The following KIF17 variants were observed in gnomAD, a reference collection of about 807,000 sequenced individuals.
KIF17 encodes kinesin-like protein KIF17.
KIF17 carries 80 observed loss-of-function variants against 96.8 expected under a neutral mutation model. That is an observed-to-expected ratio of 0.83 (90% CI 0.69 to 1.00). The LOEUF (loss-of-function observed/expected upper bound fraction) is 1.00. Ranked by LOEUF, KIF17 falls within the 50% of genes least tolerant of loss-of-function variation. The pLI, the probability that KIF17 is intolerant of heterozygous loss-of-function variation, is 0.00. For missense variants in KIF17, 1,280 were observed against 1,372.9 expected, an observed-to-expected ratio of 0.93 and a Z score of 1.07; for synonymous variants, 567 against 587.5, an observed-to-expected ratio of 0.97 and a Z score of 0.51.
At chr1:20,705,196 G>A (rs2054320517) in intron 4 of KIF17, among the ~76,000 whole-genome samples, 1 of 152,208 alleles carries the variant, frequency 6.6e-6, no homozygotes, top group Non-Finnish European at 1.5e-5. Context: ...CATTCTGAGT[G>A]CAATAGGGCC....
rs199731544 is a variant in KIF17, at chr1:20,664,591, G to T, written c.3080C>A (p.Pro1027His). ...KKSKSNFGSEPL is the reference protein window; with the variant it reads ...KKSKSNFGSEHL Reference sequence around the variant, plus strand: ...AATGGCAAGCAGCTGTGCTCACAGAGGCTCACTGCCAAAGTTGCTTTTGCT... The same window carrying T: ...AATGGCAAGCAGCTGTGCTCACAGATGCTCACTGCCAAAGTTGCTTTTGCT... Residue 1027 changes from proline (P) to histidine (H), a missense_variant, in exon 15 of 15, where the codon CCT becomes CAT. By Grantham distance (77) the Pro-to-His change is moderately conservative (BLOSUM62 -2). Transcript: ENST00000400463. The T allele has an allele frequency of 1.9e-6, 3 of 1,614,112 alleles. No individual in the cohort carries two copies. The highest frequency in any genetic ancestry group is 2.5e-6 in the Non-Finnish European group (3 of 1,180,022).
chr1:20,661,638 A>C, downstream of KIF17: 4 of 497,744 alleles, frequency 8.0e-6, no homozygotes, highest in East Asian at 3.2e-5. Context: ...GCGGCCAATC[A>C]ACGAGGCCGA....
chr1:20,711,346 T>C (rs2054432089), intron 3 of KIF17, among the ~76,000 whole-genome samples: 1 of 152,114 alleles, frequency 6.6e-6, no homozygotes, highest in Non-Finnish European at 1.5e-5. Flanking sequence ...TGTGATGGCC[T>C]CAGGGGTCCC....
intron 11 of KIF17, among the ~76,000 whole-genome samples, chr1:20,676,833 AAAAAT>A (rs769739545): frequency 2.2e-4 from 33 of 152,292 alleles, no homozygotes; most frequent in Non-Finnish European, 4.0e-4. Context: ...TCCATCTCAG[AAAAAT>A]AAAATAAAAT....
chr1:20,670,366 G>T, intron 13 of KIF17, 55 bp downstream of exon 13: 1 of 1,529,672 alleles, frequency 6.5e-7, no homozygotes, highest in Non-Finnish European at 9.0e-7. Context: ...CCACAGCACT[G>T]GGGGCAAAGC....
intron 13 of KIF17, among the ~76,000 whole-genome samples, chr1:20,669,993 G>T: frequency 8.2e-6 from 1 of 122,546 alleles, no homozygotes; most frequent in African/African-American, 3.3e-5. Flanking sequence ...CTTAGAAAAA[G>T]AAAAAAAAAA....
downstream of KIF17, among the ~76,000 whole-genome samples, chr1:20,662,179 G>A (rs1295462606): frequency 6.6e-6 from 1 of 152,236 alleles, no homozygotes; most frequent in Non-Finnish European, 1.5e-5. Context: ...GGAGGAACAT[G>A]GCAGGTTTTG....
downstream of KIF17, among the ~76,000 whole-genome samples, chr1:20,663,689 A>G (rs951740999): frequency 2.6e-5 from 4 of 152,168 alleles, no homozygotes; most frequent in South Asian, 2.1e-4. Flanking sequence ...GCCTGGATTC[A>G]TTTCTGGCTA....
chr1:20,712,177 G>A (rs930875195), intron 3 of KIF17, among the ~76,000 whole-genome samples: 1 of 152,102 alleles, frequency 6.6e-6, no homozygotes, highest in African/African-American at 2.4e-5. Context: ...ACGAAGGGGA[G>A]GAGGGCTCCC....
rs187686825 is a variant in KIF17 at position 20,712,128 on chromosome 1, G to A, written c.480+1326C>T. Among the ~76,000 whole-genome samples, 328 of 152,248 alleles carry A rather than the reference G, an allele frequency of 2.2e-3. 4 individuals are homozygous for A. Among genetic ancestry groups the A allele is most frequent in the Non-Finnish European group, 8.4e-4 (57 of 68,018 alleles). On this transcript the variant is annotated intron_variant, in intron 3 of 14. Coordinates refer to ENST00000400463, the MANE Select transcript of KIF17 (RefSeq NM_001122819.3). Reference sequence around the variant, plus strand: ...AGCTGCCAGCCTTCGGCCCCTCTAGGCCCGGGTAACTGAGGCCTTTCTAGG... The same window carrying A: ...AGCTGCCAGCCTTCGGCCCCTCTAGACCCGGGTAACTGAGGCCTTTCTAGG...
At chr1:20,669,738 G>A (rs996261466) in intron 13 of KIF17, among the ~76,000 whole-genome samples, 2 of 147,978 alleles carry the variant, frequency 1.4e-5, no homozygotes, top group African/African-American at 4.9e-5. Context: ...TGGGCATGGT[G>A]GTGCGCGCCT....
intron 13 of KIF17, 49 bp from the exon 14 acceptor site, chr1:20,666,380 G>T: frequency 6.9e-7 from 1 of 1,444,246 alleles, no homozygotes; most frequent in Non-Finnish European, 9.7e-7. Flanking sequence ...TTGTGCCCCT[G>T]GCACAGGGCT....
At chr1:20,703,315 C>T (rs951150395) in intron 5 of KIF17, among the ~76,000 whole-genome samples, 2 of 151,226 alleles carry the variant, frequency 1.3e-5, no homozygotes, top group Admixed American at 6.6e-5. Flanking sequence ...AAGAAAGGAT[C>T]AGTGGATGAA....
chr1:20,698,835 C>A (rs1402851086), intron 5 of KIF17, among the ~76,000 whole-genome samples: 1 of 152,094 alleles, frequency 6.6e-6, no homozygotes, highest in Non-Finnish European at 1.5e-5. Context: ...AAGCACCTCC[C>A]ATCAAAATAA....
At chr1:20,669,275 C>T (rs930947834) in intron 13 of KIF17, among the ~76,000 whole-genome samples, 4 of 152,086 alleles carry the variant, frequency 2.6e-5, no homozygotes, top group Admixed American at 2.0e-4. Flanking sequence ...CAGTGGCTCA[C>T]GCCTATAATC....
intron 14 of KIF17, 150 bp from the exon 15 acceptor site, chr1:20,664,912 C>T (rs1396364170): frequency 1.4e-6 from 1 of 730,568 alleles, no homozygotes; most frequent in Non-Finnish European, 2.4e-6. Flanking sequence ...GGACCCCAGG[C>T]TCTGCGAGGC....
chr1:20,663,733 G>T (rs1029495052), downstream of KIF17, among the ~76,000 whole-genome samples: 1 of 152,222 alleles, frequency 6.6e-6, no homozygotes, highest in Non-Finnish European at 1.5e-5. Context: ...CAGCCCCCAG[G>T]ACTGTCAAAA....
intron 10 of KIF17, among the ~76,000 whole-genome samples, chr1:20,684,101 G>T (rs1390578104): frequency 6.6e-6 from 1 of 152,274 alleles, no homozygotes; most frequent in African/African-American, 2.4e-5. Context: ...GCACAGAGAG[G>T]TTGCAAGTTG....
intron 4 of KIF17, among the ~76,000 whole-genome samples, chr1:20,706,517 G>C (rs2054343082): frequency 1.3e-5 from 2 of 151,904 alleles, no homozygotes; most frequent in Non-Finnish European, 1.5e-5. Flanking sequence ...CTTGAACCTG[G>C]GAGACAAAGG....
Sources: gnomAD v4.1 joint callset for allele counts (sites outside exome capture counted in the v4.1 genomes callset) on GRCh38, gnomAD v4.1.1 for gene constraint, MANE v1.5 for transcripts, NCBI Gene and HGNC (gene_info 2026-07-23, HGNC 2026-07-21) for gene names.